The following PDGFC variants were observed in gnomAD, a reference collection of about 807,000 sequenced individuals.
The protein encoded by PDGFC is platelet derived growth factor C.
In PDGFC, 12 loss-of-function variants were observed where a neutral mutation model predicts 35.5. That is an observed-to-expected ratio of 0.34 (90% CI 0.22 to 0.55). PDGFC has a LOEUF of 0.55. Ranked by LOEUF, PDGFC falls within the 20% of genes least tolerant of loss-of-function variation. The pLI, the probability that PDGFC is intolerant of heterozygous loss-of-function variation, is 0.91. For synonymous variants in PDGFC, 159 were observed against 148.8 expected (o/e 1.07, Z -0.50); for missense variants, 322 against 412.4 (o/e 0.78, Z 1.90).
rs1453660817 is a variant in PDGFC at position 156,825,590 on chromosome 4, TAATAAGAAGAAGAAGAAGAAGAAGAAG to T, written c.315-14600_315-14574del. Among the ~76,000 whole-genome samples the T allele has an allele frequency of 5.7e-3, 447 of 78,342 alleles. 4 individuals carry two copies. Among genetic ancestry groups the T allele is most frequent in the Middle Eastern group, 0.019 (3 of 162 alleles). The allele number at this position is 78,342 out of a possible 152,430, so 51.4% of individuals were successfully genotyped here. A position where few individuals can be genotyped will look rare whatever the true frequency, so the allele number is the denominator to read the frequency against. Reference sequence around the variant, plus strand: ...ATAATAATAATAATAATAATAATAATAATAAGAAGAAGAAGAAGAAGAAGAAGAAGAAGAAGAAGAAGAAGAAGAAGA... The same window carrying T: ...ATAATAATAATAATAATAATAATAATAAGAAGAAGAAGAAGAAGAAGAAGA... On this transcript the variant is annotated intron_variant, in intron 2 of 5. Transcript: ENST00000502773.
At chr4:156,824,327 T>TATATATATATATATAC (rs1491500876) in intron 2 of PDGFC, among the ~76,000 whole-genome samples, 25 of 102,754 alleles carry the variant, frequency 2.4e-4, no homozygotes, top group Non-Finnish European at 3.9e-4. Context: ...TATATATATA[T>TATATATATATATATAC]ACACACACAC....
intron 1 of PDGFC, among the ~76,000 whole-genome samples, chr4:156,939,173 G>A (rs116076188): frequency 2.8e-4 from 42 of 151,956 alleles, no homozygotes; most frequent in Admixed American, 2.6e-3. Context: ...TTTACATATC[G>A]TTTTTTAGGC....
At chr4:156,824,354 A>ATC (rs1732379478) in intron 2 of PDGFC, among the ~76,000 whole-genome samples, 1 of 132,928 alleles carries the variant, frequency 7.5e-6, no homozygotes, top group African/African-American at 3.7e-5. Context: ...ACACACATAT[A>ATC]CACACATATA....
chr4:156,851,376 G>T (rs561206656), intron 1 of PDGFC, among the ~76,000 whole-genome samples: 1 of 152,236 alleles, frequency 6.6e-6, no homozygotes, highest in African/African-American at 2.4e-5. Context: ...GTACAAAATG[G>T]CTTCCAAGTT....
At chr4:156,925,051 A>C (rs942580013) in intron 1 of PDGFC, among the ~76,000 whole-genome samples, 2 of 152,226 alleles carry the variant, frequency 1.3e-5, no homozygotes, top group Non-Finnish European at 2.9e-5. Context: ...AAATTGAAAG[A>C]ATAATCAGAG....
At chr4:156,888,943 T>G (rs1730439696) in intron 1 of PDGFC, among the ~76,000 whole-genome samples, 1 of 152,216 alleles carries the variant, frequency 6.6e-6, no homozygotes, top group Non-Finnish European at 1.5e-5. Flanking sequence ...AGTTACTCAC[T>G]CTTTTGAGGT....
At chr4:156,811,102 C>A in intron 2 of PDGFC, 85 bp from the exon 3 acceptor site, 1 of 801,040 alleles carries the variant, frequency 1.2e-6, no homozygotes, top group Non-Finnish European at 1.9e-6. Flanking sequence ...GGTGCTATGA[C>A]TCTACGGACC....
intron 1 of PDGFC, among the ~76,000 whole-genome samples, chr4:156,917,317 A>T (rs571914385): frequency 6.6e-6 from 1 of 152,324 alleles, no homozygotes; most frequent in Admixed American, 6.5e-5. Context: ...TATCCCAAAC[A>T]CAGCCCTAGA....
At chr4:156,839,064 C>A (rs890497711) in intron 2 of PDGFC, among the ~76,000 whole-genome samples, 1 of 152,178 alleles carries the variant, frequency 6.6e-6, no homozygotes, top group African/African-American at 2.4e-5. Flanking sequence ...TATTAAGCGA[C>A]TGAGCTAAAG....
rs543416787 is a variant in PDGFC at position 156,822,426 on chromosome 4, A to G, written c.315-11409T>C. On this transcript the variant is annotated intron_variant, in intron 2 of 5. Transcript: ENST00000502773. Reference sequence around the variant, plus strand: ...ATAAAGTGTGAATACTGTATGAGGAAGCACATACAATATTACTGTATGAGG... The same window carrying G: ...ATAAAGTGTGAATACTGTATGAGGAGGCACATACAATATTACTGTATGAGG... Among the ~76,000 whole-genome samples, 17 of 152,052 alleles carry G rather than the reference A, an allele frequency of 1.1e-4. 1 individual carries two copies. In the South Asian group the frequency reaches 3.5e-3, roughly 32 times the overall value.
intron 3 of PDGFC, among the ~76,000 whole-genome samples, chr4:156,778,840 A>G (rs1730897513): frequency 6.6e-6 from 1 of 152,250 alleles, no homozygotes; most frequent in Non-Finnish European, 1.5e-5. Context: ...TTTATGTTGC[A>G]ACTTTCCCAG....
At chr4:156,855,127 A>C (rs1333032281) in intron 1 of PDGFC, among the ~76,000 whole-genome samples, 2 of 152,242 alleles carry the variant, frequency 1.3e-5, no homozygotes, top group African/African-American at 4.8e-5. Flanking sequence ...GAATCACTAT[A>C]TATCTGTAAG....
chr4:156,891,872 T>A lies in PDGFC; in HGVS notation c.119-41456A>T, dbSNP rs77120055. On this transcript the variant is annotated intron_variant, in intron 1 of 5. Coordinates refer to ENST00000502773, the MANE Select transcript of PDGFC (RefSeq NM_016205.3). ...GTGATCATTCCCCCTAAAAAGAAACTTGCCATGGGTGTCAATGTACATTAA... is the reference window on the plus strand; with the variant it reads ...GTGATCATTCCCCCTAAAAAGAAACATGCCATGGGTGTCAATGTACATTAA... Among the ~76,000 whole-genome samples the A allele has an allele frequency of 1.2e-3, 179 of 152,302 alleles. No homozygotes were observed. The East Asian group carries it at 0.013, about 11-fold the overall frequency.
chr4:156,847,328 C>T (rs1729350300), intron 2 of PDGFC, among the ~76,000 whole-genome samples: 1 of 151,738 alleles, frequency 6.6e-6, no homozygotes, highest in South Asian at 2.1e-4. Context: ...ATGATAAGGG[C>T]ATATCACCTA....
At chr4:156,785,249 T>A (rs1731090922) in intron 3 of PDGFC, among the ~76,000 whole-genome samples, 1 of 152,164 alleles carries the variant, frequency 6.6e-6, no homozygotes, top group Non-Finnish European at 1.5e-5. Context: ...GGCTGGTGTG[T>A]GGAGTACAGT....
At chr4:156,895,808 G>C (rs1730621135) in intron 1 of PDGFC, among the ~76,000 whole-genome samples, 1 of 152,106 alleles carries the variant, frequency 6.6e-6, no homozygotes, top group Non-Finnish European at 1.5e-5. Context: ...ACAGGAAAAA[G>C]AGAGAGTAAG....
chr4:156,865,235 A>G lies in PDGFC; in HGVS notation c.119-14819T>C, dbSNP rs140500169. On this transcript the variant is annotated intron_variant, in intron 1 of 5. Transcript: ENST00000502773. ...ACACGCAGATACAAACACATACACAAAGTGGTCCAGCATGAACACAGGGGT... is the reference window on the plus strand; with the variant it reads ...ACACGCAGATACAAACACATACACAGAGTGGTCCAGCATGAACACAGGGGT... Among the ~76,000 whole-genome samples, 494 of 151,020 alleles carry G rather than the reference A, an allele frequency of 3.3e-3. 4 individuals are homozygous for G. Among genetic ancestry groups the G allele is most frequent in the African/African-American group, 0.012 (478 of 40,936 alleles).
chr4:156,931,243 C>T (rs1257397140), intron 1 of PDGFC, among the ~76,000 whole-genome samples: 1 of 152,114 alleles, frequency 6.6e-6, no homozygotes, highest in East Asian at 1.9e-4. Context: ...GTTATTAAAA[C>T]TTTTTTGGCT....
At chr4:156,807,607 G>A (rs1160660528) in intron 3 of PDGFC, among the ~76,000 whole-genome samples, 1 of 151,900 alleles carries the variant, frequency 6.6e-6, no homozygotes, top group Non-Finnish European at 1.5e-5. Flanking sequence ...GGCAACTTGT[G>A]TGGCAAAAAC....
Sources: allele counts gnomAD v4.1 joint callset (sites outside exome capture counted in the v4.1 genomes callset), GRCh38; gene constraint gnomAD v4.1.1; transcripts MANE v1.5; gene names NCBI Gene and HGNC (gene_info 2026-07-23, HGNC 2026-07-21).